PPP2R2B: variants seen among roughly 807,000 people sequenced by gnomAD.
The protein encoded by PPP2R2B is protein phosphatase 2 regulatory subunit Bbeta.
Under a neutral mutation model 46.0 loss-of-function variants are expected in PPP2R2B, and 5 were observed. That is an observed-to-expected ratio of 0.11 (90% CI 0.06 to 0.23). PPP2R2B has a LOEUF of 0.23. Ranked by LOEUF, PPP2R2B falls within the 10% of genes least tolerant of loss-of-function variation. PPP2R2B has a pLI of 1.00. For synonymous variants in PPP2R2B, 215 were observed against 206.7 expected, an observed-to-expected ratio of 1.04 and a Z score of -0.34; for missense variants, 367 against 575.0, an observed-to-expected ratio of 0.64 and a Z score of 3.70.
intron 7 of PPP2R2B, among the ~76,000 whole-genome samples, chr5:146,630,928 G>A (rs1235056826): frequency 6.6e-6 from 1 of 152,164 alleles, no homozygotes; most frequent in Non-Finnish European, 1.5e-5. Flanking sequence ...GAAGCACAGA[G>A]GTTAGGTAAC....
chr5:146,712,200 C>T (rs1435535871), intron 2 of PPP2R2B, among the ~76,000 whole-genome samples: 1 of 152,156 alleles, frequency 6.6e-6, no homozygotes, highest in African/African-American at 2.4e-5. Context: ...GTATTAGAAA[C>T]AAGCGTGCCA....
rs370803300 is a variant in PPP2R2B, at chr5:146,854,634, T to C, written c.70+23368A>G. Among the ~76,000 whole-genome samples, 229 of 152,266 alleles carry C rather than the reference T, an allele frequency of 1.5e-3. 7 individuals are homozygous for C. In the South Asian group the frequency reaches 0.044, roughly 29 times the overall value. On this transcript the variant is annotated intron_variant, in intron 2 of 9. Transcript: ENST00000394411. ...AAGAAAGTAACTAAACTTGTGAAAA[T>C]GACACCTTGAAGTGATTCTTACATT...
At chr5:146,881,884 G>A (rs1762179052), upstream of PPP2R2B, among the ~76,000 whole-genome samples, 1 of 152,122 alleles carries the variant, frequency 6.6e-6, no homozygotes, top group Non-Finnish European at 1.5e-5. Flanking sequence ...GTTGTGAGCT[G>A]GAAATTTTCT....
intron 2 of PPP2R2B, among the ~76,000 whole-genome samples, chr5:146,831,498 C>CAAAAA (rs34975709): frequency 9.1e-5 from 5 of 54,944 alleles, no homozygotes; most frequent in Non-Finnish European, 1.2e-4. Flanking sequence ...CTCCATCTCT[C>CAAAAA]AAAAAAAAAA....
intron 7 of PPP2R2B, among the ~76,000 whole-genome samples, chr5:146,603,796 T>C (rs1248923554): frequency 6.6e-6 from 1 of 152,190 alleles, no homozygotes; most frequent in Admixed American, 6.5e-5. Context: ...GATTCTTCAT[T>C]TTATATATGT....
chr5:146,967,303 C>G (rs1049994916), intron 1 of PPP2R2B, among the ~76,000 whole-genome samples: 3 of 152,158 alleles, frequency 2.0e-5, no homozygotes, highest in African/African-American at 7.2e-5. Flanking sequence ...TTATTGGTTT[C>G]TAGATGTCTC....
chr5:146,877,952 C>T (rs1761997451), intron 2 of PPP2R2B, 50 bp downstream of exon 2: 3 of 1,584,448 alleles, frequency 1.9e-6, no homozygotes, highest in Admixed American at 1.7e-5. Context: ...CACAGTGATC[C>T]GCAACTTGCG....
chr5:146,767,292 C>T (rs1331645806), intron 2 of PPP2R2B, among the ~76,000 whole-genome samples: 1 of 152,090 alleles, frequency 6.6e-6, no homozygotes, highest in African/African-American at 2.4e-5. Context: ...ACACATCAGT[C>T]ATTTAGTCTG....
At chr5:146,966,416 C>G (rs760028518) in intron 1 of PPP2R2B, among the ~76,000 whole-genome samples, 1 of 152,180 alleles carries the variant, frequency 6.6e-6, no homozygotes. Flanking sequence ...TCCCCTCTAT[C>G]TTCGCGCAGT....
At chr5:146,681,467 C>T (rs1028585359) in intron 5 of PPP2R2B, among the ~76,000 whole-genome samples, 12 of 152,190 alleles carry the variant, frequency 7.9e-5, no homozygotes, top group African/African-American at 2.7e-4. Context: ...TGAGCTCACA[C>T]TTCAGAAATG....
At chr5:147,000,788 C>CA (rs1316478521) in intron 1 of PPP2R2B, among the ~76,000 whole-genome samples, 2 of 152,010 alleles carry the variant, frequency 1.3e-5, no homozygotes, top group Non-Finnish European at 2.9e-5. Context: ...TAGCAGTGAG[C>CA]ACCATCAGCA....
At chr5:147,012,558 A>AT (rs1002629735) in intron 1 of PPP2R2B, among the ~76,000 whole-genome samples, 6 of 151,596 alleles carry the variant, frequency 4.0e-5, no homozygotes, top group Non-Finnish European at 4.4e-5. Flanking sequence ...TTTTGAAGGG[A>AT]TTTTTTGTGT....
chr5:146,807,776 CTTTTTTTTTTTTTTTTTTTT>C lies in PPP2R2B; in HGVS notation c.70+70206_70+70225del, dbSNP rs10583721. On this transcript the variant is annotated intron_variant, in intron 2 of 9. Coordinates refer to ENST00000394411, the MANE Select transcript of PPP2R2B (RefSeq NM_181675.4). ...TTGGTTAAACCTCCTGGGGTGCCTTCTTTTTTTTTTTTTTTTTTTTTTTTTTTTTTTTTTTTTTTGAGAAG... is the reference window on the plus strand; with the variant it reads ...TTGGTTAAACCTCCTGGGGTGCCTTCTTTTTTTTTTTTTTTTTTTGAGAAG... Among the ~76,000 whole-genome samples, 102 of 36,938 alleles carry C rather than the reference CTTTTTTTTTTTTTTTTTTTT, an allele frequency of 2.8e-3. 1 individual carries two copies. Among genetic ancestry groups the C allele is most frequent in the Admixed American group, 0.013 (27 of 2,018 alleles). 24.2% of individuals were successfully genotyped at this position (36,938 alleles called of 152,430 possible). A position where few individuals can be genotyped will look rare whatever the true frequency, so the allele number is the denominator to read the frequency against.
At chr5:146,795,519 AG>A (rs1756475592) in intron 2 of PPP2R2B, among the ~76,000 whole-genome samples, 1 of 152,138 alleles carries the variant, frequency 6.6e-6, no homozygotes. Context: ...GGTGATTACC[AG>A]GGGTTGAGGA....
At chr5:146,691,978 A>G (rs546762335) in intron 4 of PPP2R2B, among the ~76,000 whole-genome samples, 2 of 152,188 alleles carry the variant, frequency 1.3e-5, no homozygotes, top group Admixed American at 6.5e-5. Flanking sequence ...ACCATTCTCT[A>G]TCTCCTCTCT....
intron 5 of PPP2R2B, among the ~76,000 whole-genome samples, chr5:146,659,590 C>T (rs910747794): frequency 8.5e-5 from 13 of 152,160 alleles, no homozygotes; most frequent in African/African-American, 3.1e-4. Flanking sequence ...AACGAAGAAA[C>T]ATTTATGGAG....
chr5:147,037,069 A>G (rs1401695673), intron 1 of PPP2R2B, among the ~76,000 whole-genome samples: 2 of 152,196 alleles, frequency 1.3e-5, no homozygotes, highest in African/African-American at 2.4e-5. Context: ...CCACGTTAGC[A>G]TACAGTAGAG....
chr5:147,056,351 A>G (rs1002044483), upstream of PPP2R2B, among the ~76,000 whole-genome samples: 1 of 152,206 alleles, frequency 6.6e-6, no homozygotes, highest in African/African-American at 2.4e-5. Context: ...ACTAAAGCCC[A>G]AACAATAGGA....
At chr5:146,887,299 G>A (rs1313810250) in intron 1 of PPP2R2B, among the ~76,000 whole-genome samples, 1 of 152,036 alleles carries the variant, frequency 6.6e-6, no homozygotes, top group African/African-American at 2.4e-5. Flanking sequence ...ATATTGGACA[G>A]CAGAGGTACA....
Sources: allele counts gnomAD v4.1 joint callset (sites outside exome capture counted in the v4.1 genomes callset), GRCh38; gene constraint gnomAD v4.1.1; transcripts MANE v1.5; gene names NCBI Gene and HGNC (gene_info 2026-07-23, HGNC 2026-07-21).